Variants in ADAMTS10 observed in about 807,000 individuals in gnomAD.
ADAMTS10 encodes the protein ADAM metallopeptidase with thrombospondin type 1 motif 10.
ADAMTS10 carries 48 observed loss-of-function variants against 135.9 expected under a neutral mutation model. The ratio of observed to expected loss-of-function variants is 0.35; its 90% CI spans 0.28 to 0.45. The LOEUF (loss-of-function observed/expected upper bound fraction) is 0.45, where lower values mean the gene tolerates loss of function less well. ADAMTS10 is among the 20% of genes least tolerant of loss of function. The probability of loss-of-function intolerance (pLI) is 1.00; values close to 1 mark genes in which losing one functional copy is unlikely to be tolerated. For synonymous variants in ADAMTS10, 621 were observed against 647.5 expected, an observed-to-expected ratio of 0.96 and a Z score of 0.62; for missense variants, 1,131 against 1,565.2, an observed-to-expected ratio of 0.72 and a Z score of 4.68.
intron 13 of ADAMTS10, among the ~76,000 whole-genome samples, chr19:8,592,560 C>A (rs2042551800): frequency 6.7e-6 from 1 of 149,268 alleles, no homozygotes; most frequent in Non-Finnish European, 1.5e-5. Flanking sequence ...TGGCCAGAAC[C>A]AAGGGACGCA....
At chr19:8,607,002 C>T (rs1276930529) in intron 2 of ADAMTS10, among the ~76,000 whole-genome samples, 2 of 152,064 alleles carry the variant, frequency 1.3e-5, no homozygotes, top group African/African-American at 4.8e-5. Flanking sequence ...GGAGGGGAAA[C>T]AGCAAGGTCA....
intron 2 of ADAMTS10, among the ~76,000 whole-genome samples, chr19:8,606,407 C>T (rs769574105): frequency 2.0e-5 from 3 of 152,082 alleles, no homozygotes; most frequent in Admixed American, 6.6e-5. Context: ...ATGGTCATCA[C>T]GCTCTTTTTT....
At chr19:8,591,450 T>TG (rs1222309089) in intron 15 of ADAMTS10, among the ~76,000 whole-genome samples, 1 of 150,100 alleles carries the variant, frequency 6.7e-6, no homozygotes, top group African/African-American at 2.5e-5. Context: ...TTGTTTTTTT[T>TG]TTTTTTTTTG....
At chr19:8,600,420 C>A (rs2042649379) in intron 6 of ADAMTS10, among the ~76,000 whole-genome samples, 1 of 151,500 alleles carries the variant, frequency 6.6e-6, no homozygotes, top group Admixed American at 6.6e-5. Context: ...TGCAACCAAC[C>A]TACCTACCTA....
chr19:8,581,088 C>T lies in ADAMTS10; in HGVS notation c.3203-86G>A, dbSNP rs2042339929. On this transcript the variant is annotated intron_variant, in intron 25 of 25. Transcript: ENST00000597188. ...ACACACGACCTGCAGTGCTTCCTGG[C>T]CAGTGACTTTCTGTGCCTTGGTTTC... is the stretch of plus-strand genomic sequence containing the variant. 4 of 705,538 alleles carry T rather than the reference C, an allele frequency of 5.7e-6. No individual in the cohort carries two copies. The Admixed American group carries it at 1.3e-4, about 23-fold the overall frequency. 43.7% of individuals were successfully genotyped at this position (705,538 alleles called of 1,614,324 possible).
chr19:8,597,208 G>A, intron 7 of ADAMTS10, 26 bp downstream of exon 7: 1 of 1,614,114 alleles, frequency 6.2e-7, no homozygotes, highest in Non-Finnish European at 8.5e-7. Context: ...TGAAGGGGAA[G>A]GGGAAGGGGA....
intron 13 of ADAMTS10, chr19:8,592,341 A>G: frequency 3.9e-6 from 3 of 760,822 alleles, no homozygotes; most frequent in East Asian, 2.7e-5. Flanking sequence ...GGGTGTAGAC[A>G]GGACCACGAT....
chr19:8,605,370 G>C lies in ADAMTS10; in HGVS notation c.89-12C>G. Reference sequence around the variant, plus strand: ...GGACAGGAACTCATCTGTGGGTGAGGGTCAGAGGCCTGGGGTGGGCCCTGG... The same window carrying C: ...GGACAGGAACTCATCTGTGGGTGAGCGTCAGAGGCCTGGGGTGGGCCCTGG... On this transcript the variant is annotated splice_polypyrimidine_tract_variant and intron_variant, in intron 3 of 25. Coordinates refer to ENST00000597188, the MANE Select transcript of ADAMTS10 (RefSeq NM_030957.4). The surrounding 1 kb of genome is among the most constrained non-coding windows in gnomAD (Gnocchi z 7.7). 2 of 1,585,186 alleles carry C rather than the reference G, an allele frequency of 1.3e-6. No individual in the cohort carries two copies. The highest frequency in any genetic ancestry group is 1.7e-6 in the Non-Finnish European group (2 of 1,165,678).
In ADAMTS10 at chr19:8,591,934, C is replaced by A. The variant is rs113057037; in HGVS notation, c.1733+24G>T. On this transcript the variant is annotated intron_variant, in intron 14 of 25. Transcript: ENST00000597188. ...GGGGGCAGGGGTCGCGCTGCCCTCC[C>A]GGGTGGGGGTCCTGAGGGCTGACCT... 5 of 1,611,690 alleles carry A rather than the reference C, an allele frequency of 3.1e-6. No homozygotes were observed. In the East Asian group the frequency reaches 1.1e-4, roughly 36 times the overall value.
At chr19:8,590,114 C>T in intron 15 of ADAMTS10, 123 bp from the exon 16 acceptor site, 1 of 715,926 alleles carries the variant, frequency 1.4e-6, no homozygotes. Context: ...AGGGAGGAGG[C>T]TGTGGTGGTC....
Position 8,596,645 on chromosome 19 carries a change from C to T in ADAMTS10, c.1041-60G>A, listed in dbSNP as rs372125173. The T allele has an allele frequency of 7.4e-4, 1,174 of 1,585,784 alleles. 2 individuals carry two copies. The highest frequency in any genetic ancestry group is 9.4e-4 in the Non-Finnish European group (1,088 of 1,161,716). On this transcript the variant is annotated intron_variant, in intron 8 of 25. Coordinates refer to ENST00000597188, the MANE Select transcript of ADAMTS10 (RefSeq NM_030957.4). This position sits in a 1 kb window ranked among gnomAD's most constrained non-coding sequence, Gnocchi z 7.2. ...GCTGTCTCCCTAAGCCCTGCTGATG[C>T]CACCATGCCCAGCTCTGGGGGTTGA... is the stretch of plus-strand genomic sequence containing the variant.
At chr19:8,594,889 G>A (rs1406145495) in intron 12 of ADAMTS10, among the ~76,000 whole-genome samples, 2 of 152,160 alleles carry the variant, frequency 1.3e-5, no homozygotes, top group African/African-American at 2.4e-5. Context: ...TAGGATGTTG[G>A]GGGGTGTCAA....
rs562985413 is a variant in ADAMTS10, at chr19:8,587,000, A to G, written c.2159-104T>C. The G allele has an allele frequency of 1.1e-4, 127 of 1,208,608 alleles. No homozygotes were observed. In the South Asian group the frequency reaches 1.2e-3, roughly 11 times the overall value. 74.9% of individuals were successfully genotyped at this position (1,208,608 alleles called of 1,614,324 possible). On this transcript the variant is annotated intron_variant, in intron 18 of 25. Coordinates refer to ENST00000597188, the MANE Select transcript of ADAMTS10 (RefSeq NM_030957.4). Reference sequence around the variant, plus strand: ...GATAACAGCTAACTATTACTGCGCTAAACACACATCTAACTGCACCCCTGC... The same window carrying G: ...GATAACAGCTAACTATTACTGCGCTGAACACACATCTAACTGCACCCCTGC...
intron 4 of ADAMTS10, 84 bp from the exon 5 acceptor site, chr19:8,603,968 G>GATTTC: frequency 7.3e-7 from 1 of 1,362,390 alleles, no homozygotes; most frequent in Non-Finnish European, 9.9e-7. Flanking sequence ...CTGTCTTTAT[G>GATTTC]ATTTCATTCT....
At chr19:8,587,332 C>CG (rs1568394348) in intron 18 of ADAMTS10, among the ~76,000 whole-genome samples, 1 of 92,496 alleles carries the variant, frequency 1.1e-5, no homozygotes, top group Non-Finnish European at 2.2e-5. Context: ...AACTAAAAAA[C>CG]CTTTTTTTTT....
intron 25 of ADAMTS10, 49 bp from the exon 26 acceptor site, chr19:8,581,051 C>A (rs782648125): frequency 5.3e-5 from 73 of 1,388,562 alleles, no homozygotes; most frequent in Non-Finnish European, 2.7e-5. Flanking sequence ...GCTGCCCTCC[C>A]CGCAGGGCTG....
rs34134669 is a variant in ADAMTS10, at chr19:8,592,987, G to C, written c.1480-117C>G. The C allele has an allele frequency of 0.21, 197,418 of 930,094 alleles. 21,800 individuals are homozygous for C. Among genetic ancestry groups the C allele is most frequent in the African/African-American group, 0.24 (14,743 of 61,330 alleles). 57.6% of individuals were successfully genotyped at this position (930,094 alleles called of 1,614,324 possible). On this transcript the variant is annotated intron_variant, in intron 12 of 25. Transcript: ENST00000597188. ...CTGCCGGTCCCAGAGCAGAGAGCCC[G>C]GTGCTCCCTTCCTGGCTCGCGGTGG...
intron 1 of ADAMTS10, among the ~76,000 whole-genome samples, chr19:8,609,699 G>A (rs1236248930): frequency 6.6e-6 from 1 of 152,172 alleles, no homozygotes; most frequent in Admixed American, 6.5e-5. Flanking sequence ...GACCGCTGGA[G>A]ACACCCTGAG....
At chr19:8,592,505 A>G (rs1255010509) in intron 13 of ADAMTS10, among the ~76,000 whole-genome samples, 4 of 151,198 alleles carry the variant, frequency 2.6e-5, no homozygotes, top group Non-Finnish European at 4.4e-5. Flanking sequence ...GGGAATCATT[A>G]CACGGTGGGC....
Sources: allele counts gnomAD v4.1 joint callset (sites outside exome capture counted in the v4.1 genomes callset), GRCh38; gene constraint gnomAD v4.1.1; non-coding constraint Gnocchi (gnomAD v3.1); transcripts MANE v1.5; gene names NCBI Gene and HGNC (gene_info 2026-07-23, HGNC 2026-07-21).